The following ACTL6A variants were observed in gnomAD, a reference collection of about 807,000 sequenced individuals.
The protein encoded by ACTL6A is actin like 6A.
ACTL6A carries 5 observed loss-of-function variants against 59.2 expected under a neutral mutation model. The ratio of observed to expected loss-of-function variants is 0.08; its 90% CI spans 0.04 to 0.18. The LOEUF (loss-of-function observed/expected upper bound fraction) is 0.18. Among genes scored for constraint, ACTL6A ranks in the 10% least tolerant of loss-of-function variants. The pLI is 1.00. For synonymous variants in ACTL6A, 154 were observed against 171.8 expected (o/e 0.90, Z 0.81); for missense variants, 285 against 526.9 (o/e 0.54, Z 4.49).
intron 11 of ACTL6A, 144 bp downstream of exon 11, chr3:179,581,364 A>T: frequency 1.4e-6 from 1 of 694,764 alleles, no homozygotes; most frequent in Non-Finnish European, 2.5e-6. Flanking sequence ...ATGTAAAAAG[A>T]TGAAGTACTA....
Position 179,588,050 on chromosome 3 carries a change from AC to A in ACTL6A, c.*41del. The stretch of plus-strand genomic sequence containing the variant: ...GCTTCTACCTTCCTTTTGTCACCTT[AC>A]GTTTCATAGCTTTAGTATACTCAGG... On this transcript the variant is annotated 3_prime_UTR_variant, in exon 14 of 14. Coordinates refer to ENST00000429709, the MANE Select transcript of ACTL6A (RefSeq NM_004301.5). The A allele has an allele frequency of 1.4e-6, 2 of 1,455,812 alleles. No individual in the cohort carries two copies. The highest frequency in any genetic ancestry group is 1.9e-6 in the Non-Finnish European group (2 of 1,064,112). The allele number at this position is 1,455,812 out of a possible 1,614,324, so 90.2% of individuals were successfully genotyped here.
At chr3:179,580,457 G>T (rs374250266) in intron 8 of ACTL6A, among the ~76,000 whole-genome samples, 183 bp from the exon 9 acceptor site, 3 of 152,180 alleles carry the variant, frequency 2.0e-5, no homozygotes, top group East Asian at 1.9e-4. Flanking sequence ...TAATGCAAAT[G>T]ATTAGAATTA....
chr3:179,581,039 C>G, intron 10 of ACTL6A, 31 bp downstream of exon 10: 1 of 1,596,822 alleles, frequency 6.3e-7, no homozygotes, highest in Non-Finnish European at 8.5e-7. Flanking sequence ...ATTAGCCTGG[C>G]TTTTCCTATA....
intron 1 of ACTL6A, among the ~76,000 whole-genome samples, chr3:179,564,474 T>C (rs1221690153): frequency 6.6e-6 from 1 of 152,184 alleles, no homozygotes; most frequent in African/African-American, 2.4e-5. Context: ...CATCCTAGGT[T>C]TTAAACATCC....
intron 8 of ACTL6A, among the ~76,000 whole-genome samples, chr3:179,579,455 T>TATAC (rs1553778005): frequency 0.078 from 11,321 of 144,882 alleles, 461 homozygotes; most frequent in Non-Finnish European, 0.088. Flanking sequence ...TTATATCATA[T>TATAC]ACACACACAC....
chr3:179,587,416 C>T (rs1215869634), intron 13 of ACTL6A, among the ~76,000 whole-genome samples: 2 of 152,004 alleles, frequency 1.3e-5, no homozygotes, highest in African/African-American at 4.8e-5. Flanking sequence ...TAAATCCTGA[C>T]AATGTAACAG....
chr3:179,578,989 C>T (rs1048185495), intron 8 of ACTL6A, among the ~76,000 whole-genome samples: 4 of 152,122 alleles, frequency 2.6e-5, no homozygotes, highest in Non-Finnish European at 5.9e-5. Flanking sequence ...GTGATCCACC[C>T]GCCTCAGCCT....
Position 179,573,713 on chromosome 3 carries a change from T to C in ACTL6A, c.378+244T>C, listed in dbSNP as rs192632843. Among the ~76,000 whole-genome samples, 215 of 152,278 alleles carry C rather than the reference T, an allele frequency of 1.4e-3. 2 individuals are homozygous for C. Among genetic ancestry groups the C allele is most frequent in the Non-Finnish European group, 2.3e-3 (159 of 68,002 alleles). ...ACACCCTAATGGATTCTTGTGGTTA[T>C]TTATGTATTTCTAGGGATTTGTTTA... On this transcript the variant is annotated intron_variant, in intron 4 of 13. Transcript: ENST00000429709.
chr3:179,581,096 G>A (rs186919813), intron 10 of ACTL6A, 44 bp from the exon 11 acceptor site: 1 of 1,603,114 alleles, frequency 6.2e-7, no homozygotes, highest in Non-Finnish European at 8.5e-7. Flanking sequence ...ATGCTTTACT[G>A]TATGAAGAGC....
chr3:179,563,462 A>G (rs998615383), intron 1 of ACTL6A, among the ~76,000 whole-genome samples: 2 of 152,178 alleles, frequency 1.3e-5, no homozygotes, highest in Non-Finnish European at 2.9e-5. Context: ...TGACCGCCCC[A>G]GGGTCGCATC....
Position 179,570,276 on chromosome 3 carries a change from T to A in ACTL6A, c.277+35T>A. On this transcript the variant is annotated intron_variant, in intron 3 of 13. Transcript: ENST00000429709. The surrounding 1 kb of genome is among the most constrained non-coding windows in gnomAD (Gnocchi z 4.3). The stretch of plus-strand genomic sequence containing the variant: ...TTTCCCCATGGAATTGATTATGGAG[T>A]GTACATGTTATATTTTAGATACAAA... 1.3e-6 allele frequency: 2 copies of A among 1,533,544 alleles called. No homozygotes were observed. Among genetic ancestry groups the A allele is most frequent in the Middle Eastern group, 1.7e-4 (1 of 5,784 alleles). 95.0% of individuals were successfully genotyped at this position (1,533,544 alleles called of 1,614,324 possible). A position where few individuals can be genotyped will look rare whatever the true frequency, so the allele number is the denominator to read the frequency against.
intron 11 of ACTL6A, 31 bp from the exon 12 acceptor site, chr3:179,583,322 C>G (rs1178790869): frequency 6.6e-7 from 1 of 1,526,328 alleles, no homozygotes; most frequent in African/African-American, 1.4e-5. Context: ...ACATATGGAA[C>G]TAATTGATTT....
chr3:179,586,312 A>G (rs751414486), intron 12 of ACTL6A, among the ~76,000 whole-genome samples: 1 of 151,986 alleles, frequency 6.6e-6, no homozygotes, highest in African/African-American at 2.4e-5. Flanking sequence ...ACAGGGAGCC[A>G]TTATGAAGTC....
chr3:179,586,705 AT>A, intron 13 of ACTL6A, 73 bp downstream of exon 13: 1 of 1,204,624 alleles, frequency 8.3e-7, no homozygotes, highest in Non-Finnish European at 1.2e-6. Context: ...ACAAAAAATA[AT>A]TCCAGTGCTT....
chr3:179,583,137 C>T, intron 11 of ACTL6A: 1 of 336,542 alleles, frequency 3.0e-6, no homozygotes, highest in Non-Finnish European at 5.4e-6. Context: ...ATTTAATTGC[C>T]CCTAGGAATT....
intron 9 of ACTL6A, 96 bp downstream of exon 9, chr3:179,580,797 T>A (rs1576856759): frequency 9.9e-6 from 3 of 301,736 alleles, no homozygotes; most frequent in Non-Finnish European, 1.4e-5. Flanking sequence ...TCTCACTCCC[T>A]TTTTTTTTTT....
chr3:179,573,352 C>T lies in ACTL6A; in HGVS notation c.278-17C>T, dbSNP rs372345028. 33 of 1,500,512 alleles carry T rather than the reference C, an allele frequency of 2.2e-5. No individual in the cohort carries two copies. Among genetic ancestry groups the T allele is most frequent in the Non-Finnish European group, 2.7e-5 (30 of 1,108,300 alleles). The allele number at this position is 1,500,512 out of a possible 1,614,324, so 92.9% of individuals were successfully genotyped here. On this transcript the variant is annotated splice_polypyrimidine_tract_variant and intron_variant, in intron 3 of 13. Coordinates refer to ENST00000429709, the MANE Select transcript of ACTL6A (RefSeq NM_004301.5). ...TCAACTATGCATTATTTCCAAGTTA[C>T]TAATCTTATATTCTAGTTGAAGACT...
chr3:179,573,507 G>GTTTTTTTTTTTTTT, intron 4 of ACTL6A, 38 bp downstream of exon 4: 2 of 962,816 alleles, frequency 2.1e-6, no homozygotes, highest in Non-Finnish European at 2.8e-6. Flanking sequence ...TTCTCTAGTT[G>GTTTTTTTTTTTTTT]TTTTTTTTTT....
rs1300358488 is a variant in ACTL6A, at chr3:179,570,254, C to T, written c.277+13C>T. On this transcript the variant is annotated intron_variant, in intron 3 of 13. Transcript: ENST00000429709. This position sits in a 1 kb window ranked among gnomAD's most constrained non-coding sequence, Gnocchi z 4.3. Reference sequence around the variant, plus strand: ...AAAAATGGGATGGGTATGATGTTTTCCCCATGGAATTGATTATGGAGTGTA... The same window carrying T: ...AAAAATGGGATGGGTATGATGTTTTTCCCATGGAATTGATTATGGAGTGTA... 6.2e-7 allele frequency: 1 copy of T among 1,605,586 alleles called. No individual in the cohort carries two copies. The highest frequency in any genetic ancestry group is 1.7e-5 in the Admixed American group (1 of 58,738).
Sources: gnomAD v4.1 joint callset for allele counts (sites outside exome capture counted in the v4.1 genomes callset) on GRCh38, gnomAD v4.1.1 for gene constraint, Gnocchi (gnomAD v3.1) non-coding constraint, MANE v1.5 for transcripts, NCBI Gene and HGNC (gene_info 2026-07-23, HGNC 2026-07-21) for gene names.